Variants in ITPR2 observed in about 807,000 individuals in gnomAD.
ITPR2 encodes the protein inositol 1,4,5-trisphosphate receptor type 2, also known as inositol 1,4,5-trisphosphate-gated calcium channel ITPR2.
A neutral mutation model predicts 317.1 loss-of-function variants in ITPR2; 207 were observed. The observed-to-expected ratio is 0.65, with a 90% CI of 0.58 to 0.73. ITPR2 has a LOEUF of 0.73. Ranked by LOEUF, ITPR2 falls within the 30% of genes least tolerant of loss-of-function variation. ITPR2 has a pLI of 0.00. For synonymous variants in ITPR2, 1,156 were observed against 1,149.1 expected, an observed-to-expected ratio of 1.01 and a Z score of -0.12; for missense variants, 2,613 against 3,284.0, an observed-to-expected ratio of 0.80 and a Z score of 4.99.
At chr12:26,716,300 C>T (rs7957289) in intron 5 of ITPR2, 58 bp from the exon 6 acceptor site, 486,668 of 1,118,230 alleles carry the variant, frequency 0.44, 112,259 homozygotes, top group Non-Finnish European at 0.49. Flanking sequence ...GTGCTATATT[C>T]GAAGCTAGAA....
At chr12:26,744,369 G>A (rs1949285157) in intron 2 of ITPR2, among the ~76,000 whole-genome samples, 1 of 152,180 alleles carries the variant, frequency 6.6e-6, no homozygotes, top group African/African-American at 2.4e-5. Flanking sequence ...TGCCCTGGAT[G>A]CTCTCTCCAC....
At chr12:26,725,567 C>T (rs1948905488) in intron 3 of ITPR2, 83 bp downstream of exon 3, 2 of 908,354 alleles carry the variant, frequency 2.2e-6, no homozygotes, top group Admixed American at 4.4e-5. Flanking sequence ...GGTGAAAGGA[C>T]AAAGCTAGAA....
chr12:26,518,243 T>C (rs1418416219), intron 37 of ITPR2, among the ~76,000 whole-genome samples: 2 of 152,172 alleles, frequency 1.3e-5, no homozygotes, highest in African/African-American at 2.4e-5. Flanking sequence ...CTGGAGGCCA[T>C]TATCCTAAGC....
chr12:26,391,554 TC>T (rs61051358), intron 54 of ITPR2, among the ~76,000 whole-genome samples: 2,110 of 63,544 alleles, frequency 0.033, 418 homozygotes, highest in African/African-American at 0.087. Flanking sequence ...CTTCTTCTTT[TC>T]CTTTTTTTTT....
At chr12:26,776,708 T>C (rs898389821) in intron 2 of ITPR2, among the ~76,000 whole-genome samples, 7 of 152,210 alleles carry the variant, frequency 4.6e-5, no homozygotes, top group Non-Finnish European at 7.3e-5. Flanking sequence ...CCCCAACTCA[T>C]GTTGCCATCA....
At chr12:26,742,907 G>A (rs775460938) in intron 2 of ITPR2, among the ~76,000 whole-genome samples, 1 of 151,894 alleles carries the variant, frequency 6.6e-6, no homozygotes, top group Non-Finnish European at 1.5e-5. Flanking sequence ...AGTCACAAAA[G>A]GCCACATAAG....
chr12:26,651,820 TG>T, intron 21 of ITPR2, among the ~76,000 whole-genome samples: 1 of 152,326 alleles, frequency 6.6e-6, no homozygotes, highest in African/African-American at 2.4e-5. Context: ...ATTTGGCTTT[TG>T]GTAGAGGTCG....
intron 2 of ITPR2, among the ~76,000 whole-genome samples, chr12:26,789,667 T>G (rs933641153): frequency 6.6e-6 from 1 of 152,186 alleles, no homozygotes; most frequent in Non-Finnish European, 1.5e-5. Flanking sequence ...TTTGAGGAAA[T>G]TATCAAGCTA....
At chr12:26,567,636 A>C (rs1945012104) in intron 34 of ITPR2, among the ~76,000 whole-genome samples, 1 of 152,112 alleles carries the variant, frequency 6.6e-6, no homozygotes, top group South Asian at 2.1e-4. Context: ...TTGTAGACAA[A>C]GTTTTTTCAA....
chr12:26,803,561 T>A (rs61920601), intron 1 of ITPR2, among the ~76,000 whole-genome samples: 24,468 of 152,188 alleles, frequency 0.16, 2,698 homozygotes, highest in Non-Finnish European at 0.24. Flanking sequence ...TAATTACATA[T>A]TCTACAAGTG....
chr12:26,583,006 C>A (rs576925571), intron 32 of ITPR2, among the ~76,000 whole-genome samples: 68 of 152,158 alleles, frequency 4.5e-4, no homozygotes, highest in African/African-American at 1.6e-3. Context: ...GAAGCCCTTC[C>A]TCCATGTCTC....
At chr12:26,756,375 T>C (rs1949519526) in intron 2 of ITPR2, among the ~76,000 whole-genome samples, 1 of 152,210 alleles carries the variant, frequency 6.6e-6, no homozygotes, top group Non-Finnish European at 1.5e-5. Flanking sequence ...TCTGTGCATA[T>C]ATTGGAATTG....
rs182544411 is a variant in ITPR2, at chr12:26,723,838, C to T, written c.366+818G>A. ...ACATAGGAGAAACACTTCCCTGGTC[C>T]TATTCCTGGGAACAGTTGTGCTTCT... is the stretch of plus-strand genomic sequence containing the variant. On this transcript the variant is annotated intron_variant, in intron 4 of 56. Coordinates refer to ENST00000381340, the MANE Select transcript of ITPR2 (RefSeq NM_002223.4). Among the ~76,000 whole-genome samples, 262 of 152,272 alleles carry T rather than the reference C, an allele frequency of 1.7e-3. 1 individual carries two copies. Among genetic ancestry groups the T allele is most frequent in the African/African-American group, 6.0e-3 (248 of 41,558 alleles).
intron 45 of ITPR2, among the ~76,000 whole-genome samples, chr12:26,455,344 T>TA (rs10687003): frequency 0.03 from 1,984 of 66,338 alleles, 240 homozygotes; most frequent in Middle Eastern, 0.064. Context: ...CAACAGCTGC[T>TA]AAAAAAAAAA....
rs1948361495 is a variant in ITPR2, at chr12:26,696,836, C to T, written c.952-1186G>A. On this transcript the variant is annotated intron_variant, in intron 9 of 56. Transcript: ENST00000381340. ...ACCAAAAACCTATAGAGAAGAGTTT[C>T]TCTATCACTGGCAAGCTGCCATGAA... Among the ~76,000 whole-genome samples the T allele has an allele frequency of 2.0e-5, 3 of 152,276 alleles. No homozygotes were observed. The South Asian group carries it at 6.2e-4, about 32-fold the overall frequency.
At chr12:26,343,666 A>C (rs1159693788) in intron 55 of ITPR2, among the ~76,000 whole-genome samples, 1 of 152,204 alleles carries the variant, frequency 6.6e-6, no homozygotes, top group East Asian at 1.9e-4. Flanking sequence ...GTAGATGAGG[A>C]GGCTGTGGGT....
In ITPR2 at chr12:26,784,313, CCCTCTG is replaced by C. The variant is rs1375525337; in HGVS notation, c.163+5838_163+5843del. On this transcript the variant is annotated intron_variant, in intron 2 of 56. Coordinates refer to ENST00000381340, the MANE Select transcript of ITPR2 (RefSeq NM_002223.4). ...TCCCTCTCCCTCTCCCTCTCCCTCT[CCCTCTG>C]CCTCTCCCTCTCCCTCTCCCTCTCC... 1.1e-3 allele frequency among the ~76,000 whole-genome samples: 21 copies of C among 18,992 alleles called. 2 individuals carry two copies. The highest frequency in any genetic ancestry group is 4.6e-3 in the South Asian group (2 of 436). 12.5% of individuals were successfully genotyped at this position (18,992 alleles called of 152,430 possible).
chr12:26,566,430 GAGGAGAAGGAGAGGA>G (rs1944988268), intron 34 of ITPR2, among the ~76,000 whole-genome samples: 1 of 135,642 alleles, frequency 7.4e-6, no homozygotes, highest in African/African-American at 2.9e-5. Flanking sequence ...GGAGAGGTAA[GAGGAGAAGGAGAGGA>G]AAGAGGGGAG....
intron 2 of ITPR2, among the ~76,000 whole-genome samples, chr12:26,732,426 T>C (rs1471630355): frequency 6.6e-6 from 1 of 152,136 alleles, no homozygotes; most frequent in Non-Finnish European, 1.5e-5. Flanking sequence ...ATAGGATGCT[T>C]GAATGCCCTG....
Sources: gnomAD v4.1 joint callset for allele counts (sites outside exome capture counted in the v4.1 genomes callset) on GRCh38, gnomAD v4.1.1 for gene constraint, MANE v1.5 for transcripts, NCBI Gene and HGNC (gene_info 2026-07-23, HGNC 2026-07-21) for gene names.